The following GRID2 variants were observed in gnomAD, a reference collection of about 807,000 sequenced individuals.
The protein encoded by GRID2 is glutamate receptor ionotropic, delta-2.
In GRID2, 33 loss-of-function variants were observed where a neutral mutation model predicts 114.8. The observed-to-expected ratio is 0.29, with a 90% CI of 0.22 to 0.38. The LOEUF (loss-of-function observed/expected upper bound fraction) is 0.38, where lower values mean the gene tolerates loss of function less well. Ranked by LOEUF, GRID2 falls within the 10% of genes least tolerant of loss-of-function variation. GRID2 has a pLI of 1.00. For missense variants in GRID2, 1,184 were observed against 1,257.7 expected (o/e 0.94, Z 0.89); for synonymous variants, 505 against 449.9 (o/e 1.12, Z -1.55).
chr4:92,868,016 T>TTTTCTTCC (rs1712035431), intron 2 of GRID2, among the ~76,000 whole-genome samples: 1 of 132,768 alleles, frequency 7.5e-6, no homozygotes, highest in South Asian at 2.6e-4. Flanking sequence ...TACTGAAAGG[T>TTTTCTTCC]TTTCTTTCTT....
chr4:93,409,647 GAGTACCCCA>G (rs1262924414), intron 9 of GRID2, among the ~76,000 whole-genome samples: 1 of 152,160 alleles, frequency 6.6e-6, no homozygotes, highest in Admixed American at 6.5e-5. Flanking sequence ...CAAAGACTAA[GAGTACCCCA>G]AGTTCTTTAT....
chr4:92,579,462 C>G (rs980782789), intron 1 of GRID2, among the ~76,000 whole-genome samples: 2 of 151,944 alleles, frequency 1.3e-5, no homozygotes, highest in African/African-American at 4.8e-5. Context: ...CACTGTTTTT[C>G]TCTTTCCCTA....
intron 2 of GRID2, among the ~76,000 whole-genome samples, chr4:92,894,476 T>C (rs1426979476): frequency 6.6e-6 from 1 of 152,044 alleles, no homozygotes. Context: ...TGTTAAAAAA[T>C]AAATAAATAA....
chr4:92,658,122 A>C (rs1000875007), intron 2 of GRID2, among the ~76,000 whole-genome samples: 1 of 151,842 alleles, frequency 6.6e-6, no homozygotes, highest in Non-Finnish European at 1.5e-5. Context: ...AATTAAATAT[A>C]CTTTACTATG....
At chr4:93,684,123 A>T (rs1380568471) in intron 14 of GRID2, among the ~76,000 whole-genome samples, 1 of 152,162 alleles carries the variant, frequency 6.6e-6, no homozygotes, top group Non-Finnish European at 1.5e-5. Context: ...AAATAAATTC[A>T]AATGTTATTA....
chr4:93,727,952 A>T (rs772814527), intron 14 of GRID2, among the ~76,000 whole-genome samples: 32 of 152,208 alleles, frequency 2.1e-4, no homozygotes, highest in African/African-American at 7.5e-4. Context: ...GGATTCATTA[A>T]TTTTTTGAAG....
intron 2 of GRID2, among the ~76,000 whole-genome samples, chr4:92,593,118 C>T (rs1728783852): frequency 6.6e-6 from 1 of 151,982 alleles, no homozygotes; most frequent in African/African-American, 2.4e-5. Context: ...TATATTAGCA[C>T]TCCTAATGAA....
intron 11 of GRID2, among the ~76,000 whole-genome samples, chr4:93,456,222 G>A (rs980335031): frequency 7.9e-5 from 12 of 152,100 alleles, no homozygotes; most frequent in African/African-American, 2.9e-4. Context: ...AAATGTGAAT[G>A]TCAAAGGTAA....
chr4:93,562,611 G>A (rs1483123048), intron 13 of GRID2, among the ~76,000 whole-genome samples: 1 of 152,012 alleles, frequency 6.6e-6, no homozygotes, highest in Non-Finnish European at 1.5e-5. Context: ...CATGGCAAAA[G>A]CCAAGGTCAT....
At chr4:93,435,321 A>T (rs1375235967) in intron 10 of GRID2, among the ~76,000 whole-genome samples, 1 of 152,128 alleles carries the variant, frequency 6.6e-6, no homozygotes, top group Non-Finnish European at 1.5e-5. Context: ...AAATCAATTA[A>T]CCTACTATAG....
chr4:93,500,390 C>G (rs539006175), intron 12 of GRID2, among the ~76,000 whole-genome samples: 1 of 151,930 alleles, frequency 6.6e-6, no homozygotes, highest in African/African-American at 2.4e-5. Flanking sequence ...TCTAGGCACT[C>G]ATATAGATTC....
intron 9 of GRID2, among the ~76,000 whole-genome samples, chr4:93,407,730 CTCCTCCTCCTCCTCCTCCTCCTCCTCG>C (rs1460134990): frequency 2.0e-5 from 1 of 49,566 alleles, no homozygotes; most frequent in Non-Finnish European, 4.7e-5. Context: ...CCTTCTCCTC[CTCCTCCTCCTCCTCCTCCTCCTCCTCG>C]TCCTCCTCCT....
At chr4:93,170,108 G>T (rs542773123) in intron 4 of GRID2, among the ~76,000 whole-genome samples, 2 of 151,920 alleles carry the variant, frequency 1.3e-5, no homozygotes, top group African/African-American at 2.4e-5. Flanking sequence ...TAAGACAGAG[G>T]TTTCACTCCT....
chr4:93,010,517 C>T (rs767092771), intron 2 of GRID2, among the ~76,000 whole-genome samples: 6 of 151,696 alleles, frequency 4.0e-5, no homozygotes, highest in Non-Finnish European at 8.8e-5. Flanking sequence ...CCAGGCATCC[C>T]ATCCTCCCAG....
chr4:92,683,105 C>T (rs1733727073), intron 2 of GRID2, among the ~76,000 whole-genome samples: 1 of 152,134 alleles, frequency 6.6e-6, no homozygotes, highest in East Asian at 1.9e-4. Flanking sequence ...CAAGACCATC[C>T]TGGCTAACAC....
At chr4:92,850,129 A>G (rs1023993375) in intron 2 of GRID2, among the ~76,000 whole-genome samples, 1 of 151,366 alleles carries the variant, frequency 6.6e-6, no homozygotes, top group African/African-American at 2.4e-5. Context: ...TAAAAGATCT[A>G]CAAAGTTTAT....
intron 2 of GRID2, among the ~76,000 whole-genome samples, chr4:93,034,096 G>T (rs1300583990): frequency 6.6e-6 from 1 of 152,156 alleles, no homozygotes; most frequent in Non-Finnish European, 1.5e-5. Context: ...CTACCTACTG[G>T]GTTGATGTTA....
intron 2 of GRID2, among the ~76,000 whole-genome samples, chr4:93,045,176 T>C (rs1173186316): frequency 6.6e-6 from 1 of 152,126 alleles, no homozygotes; most frequent in Non-Finnish European, 1.5e-5. Context: ...GTTTCATGTA[T>C]ATAGATATCT....
At chr4:93,544,567 C>G (rs887834002) in intron 13 of GRID2, among the ~76,000 whole-genome samples, 1 of 151,798 alleles carries the variant, frequency 6.6e-6, no homozygotes, top group Non-Finnish European at 1.5e-5. Flanking sequence ...CACCTGAGGT[C>G]GGGAGTTCGA....
Sources: gnomAD v4.1 joint callset for allele counts (sites outside exome capture counted in the v4.1 genomes callset) on GRCh38, gnomAD v4.1.1 for gene constraint, MANE v1.5 for transcripts, NCBI Gene and HGNC (gene_info 2026-07-23, HGNC 2026-07-21) for gene names.